The following HKDC1 variants were observed in gnomAD, a reference collection of about 807,000 sequenced individuals.
HKDC1 encodes hexokinase HKDC1.
Under a neutral mutation model 96.6 loss-of-function variants are expected in HKDC1, and 66 were observed. The observed-to-expected ratio is 0.68, with a 90% CI of 0.56 to 0.84. HKDC1 has a LOEUF of 0.84. HKDC1 is among the 40% of genes least tolerant of loss of function. The pLI, the probability that HKDC1 is intolerant of heterozygous loss-of-function variation, is 0.00. For synonymous variants in HKDC1, 466 were observed against 473.1 expected (o/e 0.98, Z 0.20); for missense variants, 1,211 against 1,208.1 (o/e 1.00, Z -0.04).
At chr10:69,254,772 A>C (rs1843694316) in intron 12 of HKDC1, among the ~76,000 whole-genome samples, 1 of 152,256 alleles carries the variant, frequency 6.6e-6, no homozygotes, top group African/African-American at 2.4e-5. Flanking sequence ...AAAAAATTGC[A>C]ATAGTTCACA....
chr10:69,222,362 A>T (rs1843080151), intron 1 of HKDC1, among the ~76,000 whole-genome samples: 1 of 133,896 alleles, frequency 7.5e-6, no homozygotes, highest in African/African-American at 2.5e-5. Context: ...TTATAAAGCA[A>T]TCACTTGTTG....
chr10:69,223,926 AG>A (rs912464569), intron 1 of HKDC1, among the ~76,000 whole-genome samples: 2 of 149,974 alleles, frequency 1.3e-5, no homozygotes, highest in African/African-American at 2.4e-5. Flanking sequence ...TTAAAATATT[AG>A]GCTGGATGAA....
chr10:69,242,657 C>T (rs753727602), intron 6 of HKDC1, among the ~76,000 whole-genome samples: 1 of 152,066 alleles, frequency 6.6e-6, no homozygotes, highest in Non-Finnish European at 1.5e-5. Context: ...TTCCTTGGAG[C>T]GATTTTGTGT....
At chr10:69,250,205 G>T (rs1843616186) in intron 10 of HKDC1, 85 bp from the exon 11 acceptor site, 1 of 1,479,810 alleles carries the variant, frequency 6.8e-7, no homozygotes, top group Non-Finnish European at 9.2e-7. Context: ...CCCTGGGTCC[G>T]CTCTGCTCCG....
intron 12 of HKDC1, among the ~76,000 whole-genome samples, chr10:69,251,884 C>T (rs927998508): frequency 2.6e-5 from 4 of 151,748 alleles, no homozygotes; most frequent in African/African-American, 4.8e-5. Flanking sequence ...CTCAGTCTCC[C>T]GAGTAGCTTG....
Position 69,227,349 on chromosome 10 carries a change from G to A in HKDC1, c.206G>A (p.Arg69Lys). The A allele has an allele frequency of 6.2e-7, 1 of 1,614,206 alleles. No homozygotes were observed. Among genetic ancestry groups the A allele is most frequent in the Non-Finnish European group, 8.5e-7 (1 of 1,180,034 alleles). ...GTGAAGATGTTGCCCACCTTCGTCA[G>A]GGCCATTCCCGATGGTTCCGGTGAG... Reference protein sequence around the residue: ...AAVKMLPTFVRAIPDGSENGE... With the variant: ...AAVKMLPTFVKAIPDGSENGE... Residue 69 changes from arginine (R) to lysine (K), a missense_variant, in exon 2 of 18, where the codon AGG becomes AAG. Physicochemically the swap from Arg to Lys is conservative, Grantham distance 26. Coordinates refer to ENST00000354624, the MANE Select transcript of HKDC1 (RefSeq NM_025130.4).
rs1208464527 is a variant in HKDC1, at chr10:69,230,261, C to T, written c.227-2503C>T. On this transcript the variant is annotated intron_variant, in intron 2 of 17. Transcript: ENST00000354624. ...CATGAGGGTGACTGTGATTCTTTGG[C>T]TTGACCCCTGCTGGCTCTGTTCCAG... 4.6e-5 allele frequency among the ~76,000 whole-genome samples: 7 copies of T among 152,312 alleles called. No individual in the cohort carries two copies. In the East Asian group the frequency reaches 1.4e-3, roughly 29 times the overall value.
chr10:69,235,809 C>T (rs117919864), intron 4 of HKDC1, among the ~76,000 whole-genome samples: 1 of 152,294 alleles, frequency 6.6e-6, no homozygotes, highest in Non-Finnish European at 1.5e-5. Context: ...GAATACCCAC[C>T]AACATCTTTC....
intron 1 of HKDC1, among the ~76,000 whole-genome samples, chr10:69,221,338 C>T (rs773783941): frequency 3.9e-5 from 6 of 152,174 alleles, no homozygotes; most frequent in Non-Finnish European, 5.9e-5. Context: ...AACTTGTCTA[C>T]AAAATTCATT....
At chr10:69,247,314 A>T in intron 8 of HKDC1, 46 bp from the exon 9 acceptor site, 1 of 1,269,716 alleles carries the variant, frequency 7.9e-7, no homozygotes, top group Non-Finnish European at 1.2e-6. Flanking sequence ...GGAGGATACC[A>T]GTGGGATGGA....
Position 69,248,461 on chromosome 10 carries a change from G to A in HKDC1, c.1303G>A (p.Val435Ile). ...CCTGCACAAGGTGGTGAGGAAACTGGTCCCAAGCTGTGATGTCCGCTTCCT... is the reference window on the plus strand; with the variant it reads ...CCTGCACAAGGTGGTGAGGAAACTGATCCCAAGCTGTGATGTCCGCTTCCT... ...KRLHKVVRKL[V>I]PSCDVRFLLS... is the part of the protein sequence containing the mutation. Residue 435 changes from valine (V) to isoleucine (I), a missense_variant, in exon 10 of 18, where the codon GTC becomes ATC. Physicochemically the swap from Val to Ile is conservative, Grantham distance 29. Transcript: ENST00000354624. 1 of 1,594,492 alleles carries A rather than the reference G, an allele frequency of 6.3e-7. No homozygotes were observed. The highest frequency in any genetic ancestry group is 8.6e-7 in the Non-Finnish European group (1 of 1,167,216).
chr10:69,232,213 G>A (rs1335864339), intron 2 of HKDC1, among the ~76,000 whole-genome samples: 1 of 151,982 alleles, frequency 6.6e-6, no homozygotes, highest in East Asian at 1.9e-4. Flanking sequence ...TTTTGGAGTG[G>A]CTCTGGCCTA....
intron 1 of HKDC1, among the ~76,000 whole-genome samples, chr10:69,221,800 G>A (rs1442068308): frequency 6.6e-6 from 1 of 152,042 alleles, no homozygotes; most frequent in Admixed American, 6.6e-5. Context: ...GGTCATGGTG[G>A]TGTGTGCCTA....
At chr10:69,256,376 C>T (rs577963258) in intron 12 of HKDC1, among the ~76,000 whole-genome samples, 1 of 152,266 alleles carries the variant, frequency 6.6e-6, no homozygotes, top group Admixed American at 6.5e-5. Flanking sequence ...GTAGCTTTGC[C>T]TTTGATCACA....
chr10:69,232,174 G>T (rs1215707310), intron 2 of HKDC1, among the ~76,000 whole-genome samples: 2 of 152,204 alleles, frequency 1.3e-5, no homozygotes, highest in Admixed American at 6.5e-5. Context: ...TCTGTCTTGG[G>T]CTGGGCTGGG....
chr10:69,236,444 A>T (rs1280290532), intron 4 of HKDC1, among the ~76,000 whole-genome samples: 1 of 151,554 alleles, frequency 6.6e-6, no homozygotes, highest in Non-Finnish European at 1.5e-5. Flanking sequence ...ATTACAATAA[A>T]GATTTTTCAG....
intron 2 of HKDC1, among the ~76,000 whole-genome samples, chr10:69,229,423 A>G (rs1316766313): frequency 6.6e-6 from 1 of 152,164 alleles, no homozygotes; most frequent in Admixed American, 6.5e-5. Flanking sequence ...CCCTACTTTG[A>G]AATCTTGGCT....
At chr10:69,230,137 A>G (rs763476321) in intron 2 of HKDC1, among the ~76,000 whole-genome samples, 18 of 152,182 alleles carry the variant, frequency 1.2e-4, no homozygotes, top group Non-Finnish European at 2.6e-4. Context: ...CCTTTTGGTC[A>G]GGGGGCTGCA....
At chr10:69,261,840 C>T (rs1283693220) in intron 16 of HKDC1, among the ~76,000 whole-genome samples, 2 of 152,158 alleles carry the variant, frequency 1.3e-5, no homozygotes, top group Non-Finnish European at 2.9e-5. Flanking sequence ...TCTTACTTTC[C>T]CTTGCAATGT....
Sources: allele counts gnomAD v4.1 joint callset (sites outside exome capture counted in the v4.1 genomes callset), GRCh38; gene constraint gnomAD v4.1.1; transcripts MANE v1.5; gene names NCBI Gene and HGNC (gene_info 2026-07-23, HGNC 2026-07-21).